Variants in SLC1A7 observed in about 807,000 individuals in gnomAD.
SLC1A7 encodes the protein solute carrier family 1 member 7, also known as excitatory amino acid transporter 5.
Under a neutral mutation model 47.7 loss-of-function variants are expected in SLC1A7, and 40 were observed. That is an observed-to-expected ratio of 0.84 (90% CI 0.65 to 1.09). SLC1A7 has a LOEUF of 1.09. Among genes scored for constraint, SLC1A7 ranks in the 50% least tolerant of loss-of-function variants. The pLI, the probability that SLC1A7 is intolerant of heterozygous loss-of-function variation, is 0.00. For missense variants in SLC1A7, 746 were observed against 769.5 expected (o/e 0.97, Z 0.36); for synonymous variants, 323 against 325.6 (o/e 0.99, Z 0.09).
At chr1:53,092,903 G>A in intron 6 of SLC1A7, 116 bp from the exon 7 acceptor site, 3 of 553,140 alleles carry the variant, frequency 5.4e-6, no homozygotes, top group Non-Finnish European at 9.3e-6. Flanking sequence ...TGCGAGGACA[G>A]AGCGAGACTG....
intron 2 of SLC1A7, 107 bp from the exon 3 acceptor site, chr1:53,115,080 C>A: frequency 1.3e-6 from 1 of 778,348 alleles, no homozygotes; most frequent in Admixed American, 2.1e-5. Flanking sequence ...TCACAGTGCT[C>A]CAGGGAACCC....
At chr1:53,136,460 T>G (rs1644995111) in intron 1 of SLC1A7, among the ~76,000 whole-genome samples, 1 of 147,984 alleles carries the variant, frequency 6.8e-6, no homozygotes, top group Non-Finnish European at 1.5e-5. Context: ...CCCAAAGTGC[T>G]TGGATTACAG....
chr1:53,134,489 T>A, intron 1 of SLC1A7, 60 bp from the exon 2 acceptor site: 2 of 1,110,786 alleles, frequency 1.8e-6, no homozygotes, highest in South Asian at 2.7e-5. Flanking sequence ...AGTGGTTCCG[T>A]TCTTCACAGT....
rs1229045358 is a variant in SLC1A7, at chr1:53,088,133, T to C, written c.1559A>G (p.Glu520Gly). 1 of 1,613,028 alleles carries C rather than the reference T, an allele frequency of 6.2e-7. No homozygotes were observed. Among genetic ancestry groups the C allele is most frequent in the Admixed American group, 1.7e-5 (1 of 59,942 alleles). Residue 520 changes from glutamate (E) to glycine (G), a missense_variant, in exon 11 of 11, where the codon GAG becomes GGG. By Grantham distance (98) the Glu-to-Gly change is moderately conservative. Coordinates refer to ENST00000371494, the MANE Select transcript of SLC1A7 (RefSeq NM_006671.6). ...GGGGCAGGTGGGGCCCAGGGTGAGC[T>C]CGGAGGCCTCGGCTACACTCTTCAC... is the stretch of plus-strand genomic sequence containing the variant. ...GCVKSVAEASELTLGPTCPHH... is the reference protein window; with the variant it reads ...GCVKSVAEASGLTLGPTCPHH...
chr1:53,117,757 C>T (rs990126287), intron 2 of SLC1A7, among the ~76,000 whole-genome samples: 17 of 152,168 alleles, frequency 1.1e-4, no homozygotes, highest in African/African-American at 2.2e-4. Flanking sequence ...CCACCGGGGA[C>T]GAAGAGGCCT....
In SLC1A7 at chr1:53,090,705, A is replaced by G. The variant is rs1644411153; in HGVS notation, c.1133T>C (p.Met378Thr). Reference protein sequence around the residue: ...FVLPVGATINMDGTALYEAVA... With the variant: ...FVLPVGATINTDGTALYEAVA... The stretch of plus-strand genomic sequence containing the variant: ...AGCCTCGTAGAGCGCAGTGCCGTCC[A>G]TGTTGATGGTGGCACCCACGGGCAG... The change falls in exon 8 of 11, where the codon ATG becomes ACG. Residue 378 changes from methionine (M) to threonine (T), a missense_variant. Met to Thr is a moderately conservative substitution (Grantham distance 81, BLOSUM62 -1). Coordinates refer to ENST00000371494, the MANE Select transcript of SLC1A7 (RefSeq NM_006671.6). The G allele has an allele frequency of 6.2e-7, 1 of 1,614,022 alleles. No individual in the cohort carries two copies. Among genetic ancestry groups the G allele is most frequent in the Non-Finnish European group, 8.5e-7 (1 of 1,180,028 alleles).
At chr1:53,138,397 G>A (rs1237269255) in intron 1 of SLC1A7, among the ~76,000 whole-genome samples, 2 of 152,130 alleles carry the variant, frequency 1.3e-5, no homozygotes, top group Non-Finnish European at 2.9e-5. Context: ...TCTTCTGTTA[G>A]CTGTCTCTAA....
In SLC1A7 at chr1:53,088,917, T is replaced by C. The variant is rs776127936; in HGVS notation, c.1424A>G (p.His475Arg). The change falls in exon 10 of 11, where the codon CAT (histidine) becomes CGT (arginine). Residue 475 changes from histidine to arginine, a missense_variant. Physicochemically the swap from His to Arg is conservative, Grantham distance 29. Transcript: ENST00000371494. ...GDALAAGIMA[H>R]ICRKDFARDT... The stretch of plus-strand genomic sequence containing the variant: ...CCGGGCAAAATCCTTCCGACATATA[T>C]GGGCCATGATCCCCGCTGCCAGCGC... 2.5e-5 allele frequency: 41 copies of C among 1,614,024 alleles called. 1 individual carries two copies. The South Asian group carries it at 4.2e-4, about 16-fold the overall frequency.
intron 2 of SLC1A7, among the ~76,000 whole-genome samples, chr1:53,132,343 G>A (rs61768150): frequency 0.15 from 22,448 of 152,046 alleles, 2,209 homozygotes; most frequent in East Asian, 0.31. Context: ...GAGAGTGCCC[G>A]GGCCTGTAGG....
At chr1:53,106,585 G>T (rs1345930947) in intron 3 of SLC1A7, among the ~76,000 whole-genome samples, 4 of 132,738 alleles carry the variant, frequency 3.0e-5, no homozygotes, top group Non-Finnish European at 6.5e-5. Flanking sequence ...GGGCGGCAGA[G>T]CAAGACACCG....
chr1:53,130,680 G>C (rs897726103), intron 2 of SLC1A7, among the ~76,000 whole-genome samples: 1 of 152,104 alleles, frequency 6.6e-6, no homozygotes, highest in Non-Finnish European at 1.5e-5. Context: ...GAATACTTTC[G>C]GAGCTCTGAA....
At chr1:53,128,001 C>T (rs1266762791) in intron 2 of SLC1A7, among the ~76,000 whole-genome samples, 1 of 152,220 alleles carries the variant, frequency 6.6e-6, no homozygotes, top group Non-Finnish European at 1.5e-5. Flanking sequence ...GTGTTTATGT[C>T]ACTAAGTTTG....
chr1:53,129,305 C>A (rs1162075675), intron 2 of SLC1A7, among the ~76,000 whole-genome samples: 8 of 152,198 alleles, frequency 5.3e-5, no homozygotes, highest in African/African-American at 1.9e-4. Context: ...AGGTATTCTT[C>A]CCACTTTATA....
At chr1:53,121,878 C>A (rs1644829655) in intron 2 of SLC1A7, among the ~76,000 whole-genome samples, 1 of 152,124 alleles carries the variant, frequency 6.6e-6, no homozygotes, top group African/African-American at 2.4e-5. Flanking sequence ...GCTTCAGAAG[C>A]CCGGGGGCTG....
intron 2 of SLC1A7, among the ~76,000 whole-genome samples, chr1:53,126,312 G>C (rs927157691): frequency 3.3e-5 from 5 of 152,204 alleles, no homozygotes; most frequent in African/African-American, 1.2e-4. Flanking sequence ...CCCTTGGAAG[G>C]AGGAGTCTCC....
intron 2 of SLC1A7, among the ~76,000 whole-genome samples, chr1:53,130,999 T>C (rs1024126664): frequency 7.9e-5 from 12 of 152,212 alleles, no homozygotes; most frequent in African/African-American, 2.9e-4. Context: ...CCCTGAAGGT[T>C]TAATTTTCCC....
At chr1:53,129,532 ACT>A (rs1644918882) in intron 2 of SLC1A7, among the ~76,000 whole-genome samples, 1 of 98,980 alleles carries the variant, frequency 1.0e-5, no homozygotes, top group African/African-American at 3.7e-5. Context: ...CTGAGGAGGG[ACT>A]TGGGCCAGGG....
intron 2 of SLC1A7, among the ~76,000 whole-genome samples, chr1:53,132,035 G>A (rs989912492): frequency 6.6e-6 from 1 of 152,200 alleles, no homozygotes; most frequent in Non-Finnish European, 1.5e-5. Flanking sequence ...CAGCACGTGT[G>A]GAGGCCCTGA....
chr1:53,134,454 T>TTA (rs1358069103), intron 1 of SLC1A7, 25 bp from the exon 2 acceptor site: 1 of 1,528,552 alleles, frequency 6.5e-7, no homozygotes, highest in Admixed American at 1.7e-5. Context: ...AGAACTGGGG[T>TTA]TATAGCAAGA....
Sources: gnomAD v4.1 joint callset for allele counts (sites outside exome capture counted in the v4.1 genomes callset) on GRCh38, gnomAD v4.1.1 for gene constraint, MANE v1.5 for transcripts, NCBI Gene and HGNC (gene_info 2026-07-23, HGNC 2026-07-21) for gene names.